MVB12B: variants seen among roughly 807,000 people sequenced by gnomAD.
MVB12B encodes ESCRT-I complex subunit MVB12B.
A neutral mutation model predicts 41.6 loss-of-function variants in MVB12B; 16 were observed. That is an observed-to-expected ratio of 0.38 (90% CI 0.26 to 0.58). The LOEUF is 0.58. MVB12B is among the 20% of genes least tolerant of loss of function. MVB12B has a pLI of 0.62. For synonymous variants in MVB12B, 133 were observed against 139.7 expected, an observed-to-expected ratio of 0.95 and a Z score of 0.34; for missense variants, 274 against 380.2, an observed-to-expected ratio of 0.72 and a Z score of 2.32.
chr9:126,441,443 A>G (rs926275027), intron 7 of MVB12B, among the ~76,000 whole-genome samples: 4 of 152,264 alleles, frequency 2.6e-5, no homozygotes, highest in Non-Finnish European at 5.9e-5. Flanking sequence ...TAGCATATTT[A>G]TCTTTGACTT....
intron 7 of MVB12B, among the ~76,000 whole-genome samples, chr9:126,475,554 ATCTGCTT>A (rs1270279048): frequency 6.6e-6 from 1 of 152,138 alleles, no homozygotes; most frequent in African/African-American, 2.4e-5. Context: ...TGGGCAGATT[ATCTGCTT>A]AGCAGAGTCT....
intron 1 of MVB12B, among the ~76,000 whole-genome samples, chr9:126,332,138 T>C (rs1332152253): frequency 6.6e-6 from 1 of 152,138 alleles, no homozygotes; most frequent in African/African-American, 2.4e-5. Flanking sequence ...GTTGAGGCTG[T>C]GTCATCTGCT....
chr9:126,481,293 G>A (rs753132361), intron 7 of MVB12B, 76 bp from the exon 8 acceptor site: 42 of 1,222,184 alleles, frequency 3.4e-5, no homozygotes, highest in East Asian at 1.2e-4. Context: ...TCTCTGTTTC[G>A]ACATCTTCAG....
chr9:126,440,207 A>G (rs1832595436), intron 7 of MVB12B, among the ~76,000 whole-genome samples: 1 of 152,166 alleles, frequency 6.6e-6, no homozygotes, highest in Admixed American at 6.5e-5. Flanking sequence ...CTGACTCCAG[A>G]GCACCCATTC....
chr9:126,335,640 A>G (rs975484367), intron 1 of MVB12B, among the ~76,000 whole-genome samples: 6 of 152,216 alleles, frequency 3.9e-5, no homozygotes, highest in Admixed American at 6.5e-5. Context: ...GACCCTTTCT[A>G]TGAAGGCCGG....
chr9:126,357,907 T>C (rs1189382430), intron 2 of MVB12B, among the ~76,000 whole-genome samples: 4 of 152,326 alleles, frequency 2.6e-5, no homozygotes, highest in East Asian at 3.9e-4. Flanking sequence ...AGCCCTAAGG[T>C]CAAGATTTTT....
At chr9:126,335,543 G>T in intron 1 of MVB12B, 1 of 511,002 alleles carries the variant, frequency 2.0e-6, no homozygotes. Context: ...CTTGCGATTT[G>T]CCAGCAGAAA....
intron 7 of MVB12B, among the ~76,000 whole-genome samples, chr9:126,449,637 C>T (rs780321250): frequency 5.3e-5 from 8 of 152,178 alleles, no homozygotes; most frequent in Admixed American, 4.6e-4. Flanking sequence ...TGGCCTGGGC[C>T]CAGTATGTTC....
chr9:126,329,466 A>G (rs1052258565), intron 1 of MVB12B, among the ~76,000 whole-genome samples: 5 of 152,166 alleles, frequency 3.3e-5, no homozygotes, highest in Non-Finnish European at 7.3e-5. Context: ...ATACAAGAAT[A>G]TCCTGTGTTT....
At chr9:126,471,898 A>C (rs1833321694) in intron 7 of MVB12B, among the ~76,000 whole-genome samples, 1 of 152,204 alleles carries the variant, frequency 6.6e-6, no homozygotes, top group African/African-American at 2.4e-5. Flanking sequence ...ACTTTGAGGT[A>C]CTATTACCCG....
At chr9:126,412,077 G>A (rs141008076) in intron 6 of MVB12B, among the ~76,000 whole-genome samples, 3 of 152,192 alleles carry the variant, frequency 2.0e-5, no homozygotes, top group Non-Finnish European at 4.4e-5. Context: ...GCAATGGTCA[G>A]GGACCTCTTT....
chr9:126,365,220 ATTTTTT>A (rs71377933), intron 2 of MVB12B, among the ~76,000 whole-genome samples: 1 of 122,622 alleles, frequency 8.2e-6, no homozygotes, highest in Non-Finnish European at 1.6e-5. Flanking sequence ...CACCCAGCTA[ATTTTTT>A]TTTTTTTTTT....
chr9:126,428,756 G>A (rs367589120), intron 7 of MVB12B, among the ~76,000 whole-genome samples: 2 of 152,186 alleles, frequency 1.3e-5, no homozygotes, highest in African/African-American at 4.8e-5. Context: ...CTGTGCTCGG[G>A]TGAGTGTGTG....
intron 7 of MVB12B, among the ~76,000 whole-genome samples, chr9:126,454,282 C>T (rs1303713241): frequency 2.6e-5 from 4 of 152,222 alleles, no homozygotes; most frequent in South Asian, 2.1e-4. Flanking sequence ...CAGGGTCCCA[C>T]CGTGCCTCCA....
chr9:126,348,479 C>T (rs570841722), intron 2 of MVB12B, among the ~76,000 whole-genome samples: 2 of 152,332 alleles, frequency 1.3e-5, no homozygotes, highest in African/African-American at 4.8e-5. Context: ...TGCAGAGGAG[C>T]TGGTCTTGTT....
At position 126,381,736 on chromosome 9, in the gene MVB12B, G is replaced by GT. The variant is rs558687754; in HGVS notation, c.312+575dup. 1.7e-4 allele frequency among the ~76,000 whole-genome samples: 25 copies of GT among 149,976 alleles called. 1 individual carries two copies. Among genetic ancestry groups the GT allele is most frequent in the East Asian group, 9.8e-4 (5 of 5,122 alleles). ...GGAAACTTTAAAGATACCTACTAAG[G>GT]TTTTTTTTTTAAAAACATCTAATAA... On this transcript the variant is annotated intron_variant, in intron 3 of 9. Coordinates refer to ENST00000361171, the MANE Select transcript of MVB12B (RefSeq NM_033446.3).
chr9:126,358,183 C>T (rs2118882502), intron 2 of MVB12B, among the ~76,000 whole-genome samples: 1 of 152,230 alleles, frequency 6.6e-6, no homozygotes, highest in East Asian at 1.9e-4. Context: ...ATAAGTCTGC[C>T]TGTATGCCAA....
rs75741478 is a variant in MVB12B at position 126,471,237 on chromosome 9, C to T, written c.758-10132C>T. 3.8e-3 allele frequency among the ~76,000 whole-genome samples: 578 copies of T among 152,302 alleles called. 9 individuals carry two copies. The East Asian group carries it at 0.043, about 11-fold the overall frequency. ...TTCCTGTTGCTGTCTGATCCCTCAG[C>T]GGTGCTGCGGAGTGGGCACAATTAT... is the stretch of plus-strand genomic sequence containing the variant. On this transcript the variant is annotated intron_variant, in intron 7 of 9. Coordinates refer to ENST00000361171, the MANE Select transcript of MVB12B (RefSeq NM_033446.3).
At chr9:126,371,061 G>A (rs962224389) in intron 2 of MVB12B, among the ~76,000 whole-genome samples, 1 of 152,202 alleles carries the variant, frequency 6.6e-6, no homozygotes. Flanking sequence ...TGACGATCAG[G>A]TGTCTGGGTA....
Sources: gnomAD v4.1 joint callset for allele counts (sites outside exome capture counted in the v4.1 genomes callset) on GRCh38, gnomAD v4.1.1 for gene constraint, MANE v1.5 for transcripts, NCBI Gene and HGNC (gene_info 2026-07-23, HGNC 2026-07-21) for gene names.